ZNF678: variants seen among roughly 807,000 people sequenced by gnomAD.
ZNF678 encodes zinc finger protein 678, also known as hypothetical protein MGC42493.
In ZNF678, 5 loss-of-function variants were observed where a neutral mutation model predicts 3.0. The observed-to-expected ratio is 1.69, with a 90% CI of 0.88 to 3.56. The LOEUF (loss-of-function observed/expected upper bound fraction) is 3.56, where lower values mean the gene tolerates loss of function less well. ZNF678 is among the 30% of genes most tolerant of loss of function. The pLI is 0.00. For missense variants in ZNF678, 593 were observed against 605.0 expected (o/e 0.98, Z 0.21); for synonymous variants, 218 against 199.6 (o/e 1.09, Z -0.78).
intron 1 of ZNF678, among the ~76,000 whole-genome samples, chr1:227,618,870 C>T (rs1018500508): frequency 2.0e-5 from 3 of 152,128 alleles, no homozygotes; most frequent in Non-Finnish European, 4.4e-5. Flanking sequence ...ATACCTGAGA[C>T]TGGGTAATTT....
Position 227,658,775 on chromosome 1 carries a change from C to G in ZNF678, c.*2947C>G, listed in dbSNP as rs1007429438. Reference sequence around the variant, plus strand: ...TTAATTGGCATAATTGGGATGTACTCTACACAGTTTATAGGATTAAATTAC... The same window carrying G: ...TTAATTGGCATAATTGGGATGTACTGTACACAGTTTATAGGATTAAATTAC... On this transcript the variant is annotated 3_prime_UTR_variant, in exon 4 of 4. Transcript: ENST00000343776. 1 of 151,978 alleles carries G rather than the reference C, an allele frequency of 6.6e-6. No homozygotes were observed. Among genetic ancestry groups the G allele is most frequent in the East Asian group, 1.9e-4 (1 of 5,182 alleles). 9.4% of individuals were successfully genotyped at this position (151,978 alleles called of 1,614,324 possible).
intron 3 of ZNF678, among the ~76,000 whole-genome samples, chr1:227,651,631 C>T (rs538814942): frequency 6.6e-5 from 10 of 152,286 alleles, no homozygotes; most frequent in African/African-American, 2.2e-4. Context: ...CCAAGACCAG[C>T]GTCCTCAAGT....
At chr1:227,610,514 CTTG>C (rs745892799) in intron 1 of ZNF678, among the ~76,000 whole-genome samples, 5 of 152,142 alleles carry the variant, frequency 3.3e-5, no homozygotes, top group African/African-American at 4.8e-5. Flanking sequence ...GTTCACCAGT[CTTG>C]TTGTGCCCAT....
At chr1:227,566,480 C>G (rs772947686) in intron 1 of ZNF678, among the ~76,000 whole-genome samples, 23 of 152,192 alleles carry the variant, frequency 1.5e-4, no homozygotes, top group Non-Finnish European at 2.5e-4. Flanking sequence ...CTGGGGCACA[C>G]CGTGAGGCAC....
At chr1:227,617,279 A>G (rs187043803) in intron 1 of ZNF678, among the ~76,000 whole-genome samples, 1 of 152,314 alleles carries the variant, frequency 6.6e-6, no homozygotes, top group Non-Finnish European at 1.5e-5. Flanking sequence ...GCAGCACTCC[A>G]TTATCAAATG....
At chr1:227,663,062 A>T (rs972559021), downstream of ZNF678, among the ~76,000 whole-genome samples, 1 of 152,188 alleles carries the variant, frequency 6.6e-6, no homozygotes, top group African/African-American at 2.4e-5. Flanking sequence ...GATGGTAAAG[A>T]TACAGAAACA....
chr1:227,655,713 G>C lies in ZNF678; in HGVS notation c.1463G>C (p.Arg488Pro). The C allele has an allele frequency of 1.2e-6, 2 of 1,612,290 alleles. No homozygotes were observed. The highest frequency in any genetic ancestry group is 8.5e-7 in the Non-Finnish European group (1 of 1,179,012). Residue 488 changes from arginine to proline, a missense_variant, in exon 4 of 4, where the codon CGC (arginine) becomes CCC (proline). Arg to Pro is a moderately radical substitution (Grantham distance 103). Transcript: ENST00000343776. ...AAAAGAATTCATACTGGAGAGAAAC[G>C]CTACAAATGTAAAGAATGTGGAAAA... ...RHKRIHTGEK[R>P]YKCKECGKGF... is the part of the protein sequence containing the mutation.
intron 1 of ZNF678, among the ~76,000 whole-genome samples, chr1:227,578,985 C>G (rs898391279): frequency 2.6e-5 from 4 of 152,172 alleles, no homozygotes; most frequent in Non-Finnish European, 4.4e-5. Flanking sequence ...ATTCAGCCAA[C>G]TGGTTTTGTT....
At chr1:227,667,508 A>G (rs964246849) in intron 5 of ZNF678, among the ~76,000 whole-genome samples, 40 of 152,216 alleles carry the variant, frequency 2.6e-4, no homozygotes, top group African/African-American at 9.6e-4. Flanking sequence ...TAGAACTGGC[A>G]TCTACAATTT....
At chr1:227,666,617 C>G (rs1053787779), downstream of ZNF678, among the ~76,000 whole-genome samples, 1 of 152,122 alleles carries the variant, frequency 6.6e-6, no homozygotes, top group African/African-American at 2.4e-5. Flanking sequence ...GCAGCTTCTC[C>G]TTGAGTAGGC....
intron 1 of ZNF678, among the ~76,000 whole-genome samples, chr1:227,630,790 G>A (rs1558148904): frequency 6.6e-6 from 1 of 152,122 alleles, no homozygotes; most frequent in African/African-American, 2.4e-5. Context: ...TTATTAGTTG[G>A]GGAAGGAGCC....
chr1:227,654,489 A>C lies in ZNF678; in HGVS notation c.239A>C (p.Lys80Thr). Residue 80 changes from lysine (K) to threonine (T), a missense_variant, in exon 4 of 4, where the codon AAA (lysine) becomes ACA (threonine). Transcript: ENST00000343776. The part of the protein sequence containing the change: ...WRTVNEGKGQ[K>T]EYCNRLTQCS... ...ACTGTGAATGAAGGTAAGGGGCAGA[A>C]AGAATATTGCAATAGACTTACTCAA... The C allele has an allele frequency of 6.2e-7, 1 of 1,613,336 alleles. No individual in the cohort carries two copies. Among genetic ancestry groups the C allele is most frequent in the South Asian group, 1.1e-5 (1 of 91,038 alleles).
chr1:227,667,206 G>T (rs1447812961), downstream of ZNF678, among the ~76,000 whole-genome samples: 2 of 151,832 alleles, frequency 1.3e-5, no homozygotes, highest in Non-Finnish European at 2.9e-5. Flanking sequence ...AGCACACCCA[G>T]CTAATTTTTT....
chr1:227,571,042 T>TAAATTTAGAA (rs1480153170), intron 1 of ZNF678, among the ~76,000 whole-genome samples: 2 of 152,240 alleles, frequency 1.3e-5, no homozygotes, highest in African/African-American at 4.8e-5. Context: ...TTGTATTTTT[T>TAAATTTAGAA]AAATTTAGAA....
intron 1 of ZNF678, among the ~76,000 whole-genome samples, chr1:227,641,030 G>T (rs1658807432): frequency 6.6e-6 from 1 of 152,238 alleles, no homozygotes; most frequent in South Asian, 2.1e-4. Flanking sequence ...AATCAAGAGA[G>T]GCCGTGTGGA....
In ZNF678 at chr1:227,563,795, C is replaced by T. The variant is rs990701062; in HGVS notation, c.-164+71C>T. On this transcript the variant is annotated intron_variant, in intron 1 of 3. Coordinates refer to ENST00000343776, the MANE Select transcript of ZNF678 (RefSeq NM_001367909.1). ...CGGCGTCAGCACTAGAGTCCGCGGC[C>T]CGGAGTCCCGGCTGGCACCTGTGGG... is the stretch of plus-strand genomic sequence containing the variant. 5.5e-6 allele frequency: 7 copies of T among 1,276,466 alleles called. No individual in the cohort carries two copies. In the African/African-American group the frequency reaches 6.1e-5, roughly 11 times the overall value. 79.1% of individuals were successfully genotyped at this position (1,276,466 alleles called of 1,614,324 possible). A position where few individuals can be genotyped will look rare whatever the true frequency, so the allele number is the denominator to read the frequency against.
At chr1:227,640,222 G>A (rs1658784540) in intron 1 of ZNF678, among the ~76,000 whole-genome samples, 1 of 152,158 alleles carries the variant, frequency 6.6e-6, no homozygotes, top group South Asian at 2.1e-4. Context: ...GGTGAGGAAG[G>A]AGAATGAGTA....
intron 1 of ZNF678, among the ~76,000 whole-genome samples, chr1:227,634,895 T>G (rs1658634800): frequency 6.6e-6 from 1 of 152,122 alleles, no homozygotes; most frequent in Non-Finnish European, 1.5e-5. Flanking sequence ...AGGGAGTGGT[T>G]CCGGCAGACT....
At chr1:227,564,679 T>G (rs1656622997) in intron 1 of ZNF678, among the ~76,000 whole-genome samples, 1 of 152,236 alleles carries the variant, frequency 6.6e-6, no homozygotes, top group Admixed American at 6.5e-5. Flanking sequence ...AATTAATCAT[T>G]TTTTCACAGA....
Sources: allele counts gnomAD v4.1 joint callset (sites outside exome capture counted in the v4.1 genomes callset), GRCh38; gene constraint gnomAD v4.1.1; transcripts MANE v1.5; gene names NCBI Gene and HGNC (gene_info 2026-07-23, HGNC 2026-07-21).